Variants in TOP1 observed in about 807,000 individuals in gnomAD.
TOP1 encodes the protein DNA topoisomerase 1.
TOP1 carries 10 observed loss-of-function variants against 111.1 expected under a neutral mutation model. The ratio of observed to expected loss-of-function variants is 0.09; its 90% confidence interval spans 0.06 to 0.15. The LOEUF (loss-of-function observed/expected upper bound fraction) is 0.15, where lower values mean the gene tolerates loss of function less well. Among genes scored for constraint, TOP1 ranks in the 10% least tolerant of loss-of-function variants. The probability of loss-of-function intolerance (pLI) is 1.00; values close to 1 mark genes in which losing one functional copy is unlikely to be tolerated. For synonymous variants in TOP1, 271 were observed against 302.9 expected (o/e 0.89, Z 1.10); for missense variants, 474 against 926.7 (o/e 0.51, Z 6.34).
At position 41,029,029 on chromosome 20, in the gene TOP1, C is replaced by T. The variant is rs974742312; in HGVS notation, c.-39C>T. 29 of 1,537,698 alleles carry T rather than the reference C, an allele frequency of 1.9e-5. No individual in the cohort carries two copies. In the Admixed American group the frequency reaches 1.9e-4, roughly 10 times the overall value. ...GTTCGCCGTCTGCGTCTCCCCCACG[C>T]CGCCTCGCCTGCCGCCGCGCTCGTC... On this transcript the variant is annotated 5_prime_UTR_variant, in exon 1 of 21. Coordinates refer to ENST00000361337, the MANE Select transcript of TOP1 (RefSeq NM_003286.4). The surrounding 1 kb of genome is among the most constrained non-coding windows in gnomAD (Gnocchi z 6.1).
chr20:41,086,553 C>G (rs1055760657), intron 8 of TOP1, among the ~76,000 whole-genome samples: 2 of 152,172 alleles, frequency 1.3e-5, no homozygotes, highest in Admixed American at 6.5e-5. Context: ...GGAGCTTTGG[C>G]TCTTTTTGGG....
At chr20:41,077,295 T>A (rs1025552812) in intron 4 of TOP1, among the ~76,000 whole-genome samples, 1 of 152,190 alleles carries the variant, frequency 6.6e-6, no homozygotes, top group Non-Finnish European at 1.5e-5. Flanking sequence ...TCTTGAGTAG[T>A]GGAATGTATT....
rs188069466 is a variant in TOP1, at chr20:41,042,378, A to T, written c.58+12923A>T. Among the ~76,000 whole-genome samples, 3 of 152,332 alleles carry T rather than the reference A, an allele frequency of 2.0e-5. No homozygotes were observed. In the East Asian group the frequency reaches 5.8e-4, roughly 29 times the overall value. ...TGTTTTACTGTGTGTCAGAATCCTA[A>T]TCCTTTCTCCTACTTCAGTGTTTAA... On this transcript the variant is annotated intron_variant, in intron 2 of 20. Transcript: ENST00000361337.
In TOP1 at chr20:41,089,020, CTTTTT is replaced by C. The variant is rs59200685; in HGVS notation, c.615-3434_615-3430del. 3.3e-4 allele frequency among the ~76,000 whole-genome samples: 26 copies of C among 77,896 alleles called. 2 individuals carry two copies. Among genetic ancestry groups the C allele is most frequent in the East Asian group, 2.5e-3 (4 of 1,606 alleles). 51.1% of individuals were successfully genotyped at this position (77,896 alleles called of 152,430 possible). ...TCCCCACTTCTCTGTTGCCCCAGTT[CTTTTT>C]TTTTTTTTTTTTTTTTTGAGACAGA... is the stretch of plus-strand genomic sequence containing the variant. On this transcript the variant is annotated intron_variant, in intron 8 of 20. Coordinates refer to ENST00000361337, the MANE Select transcript of TOP1 (RefSeq NM_003286.4).
At position 41,080,601 on chromosome 20, in the gene TOP1, G is replaced by A. The variant is rs537942997; in HGVS notation, c.431+421G>A. Among the ~76,000 whole-genome samples, 3 of 152,042 alleles carry A rather than the reference G, an allele frequency of 2.0e-5. No homozygotes were observed. Among genetic ancestry groups the A allele is most frequent in the Non-Finnish European group, 4.4e-5 (3 of 68,000 alleles). Reference sequence around the variant, plus strand: ...TAATAAAACTGCTCATAAAACGGTCGAGGCTTACATGTATCTCTTTCCCCA... The same window carrying A: ...TAATAAAACTGCTCATAAAACGGTCAAGGCTTACATGTATCTCTTTCCCCA... On this transcript the variant is annotated intron_variant, in intron 6 of 20. Transcript: ENST00000361337. The surrounding 1 kb of genome is among the most constrained non-coding windows in gnomAD (Gnocchi z 5.0).
At chr20:41,081,869 A>AT (rs1426577634) in intron 7 of TOP1, among the ~76,000 whole-genome samples, 2 of 152,140 alleles carry the variant, frequency 1.3e-5, no homozygotes, top group Non-Finnish European at 2.9e-5. Flanking sequence ...TGGAACACAC[A>AT]TGCTCCCTTC....
intron 2 of TOP1, among the ~76,000 whole-genome samples, chr20:41,060,475 A>C (rs1483995151): frequency 7.2e-5 from 11 of 152,260 alleles, no homozygotes; most frequent in African/African-American, 2.7e-4. Flanking sequence ...CAGCACGATC[A>C]GATCAGTGCT....
intron 14 of TOP1, 73 bp from the exon 15 acceptor site, chr20:41,113,897 A>C (rs1352028229): frequency 4.7e-6 from 6 of 1,267,028 alleles, no homozygotes; most frequent in East Asian, 4.9e-5. Context: ...AAAAAAAAAA[A>C]AACACAGAAC....
rs2033153808 is a variant in TOP1, at chr20:41,034,027, G to A, written c.58+4572G>A. Among the ~76,000 whole-genome samples, 1 of 152,138 alleles carries A rather than the reference G, an allele frequency of 6.6e-6. No homozygotes were observed. The highest frequency in any genetic ancestry group is 2.4e-5 in the African/African-American group (1 of 41,442). ...GAAAGAATAGTAAAATATATTGGAT[G>A]TGGAGGTGAGAGTCAGTTGAGTGAA... On this transcript the variant is annotated intron_variant, in intron 2 of 20. Coordinates refer to ENST00000361337, the MANE Select transcript of TOP1 (RefSeq NM_003286.4). This position sits in a 1 kb window ranked among gnomAD's most constrained non-coding sequence, Gnocchi z 4.0.
chr20:41,075,823 G>A (rs2145934751), intron 3 of TOP1, among the ~76,000 whole-genome samples: 1 of 152,294 alleles, frequency 6.6e-6, no homozygotes, highest in Admixed American at 6.5e-5. Flanking sequence ...TGGTGAGTTG[G>A]TTTTAACCTG....
At position 41,113,249 on chromosome 20, in the gene TOP1, G is replaced by GA. The variant is rs529894331; in HGVS notation, c.1452+332dup. Among the ~76,000 whole-genome samples, 58 of 151,882 alleles carry GA rather than the reference G, an allele frequency of 3.8e-4. No individual in the cohort carries two copies. The East Asian group carries it at 7.7e-3, about 20-fold the overall frequency. On this transcript the variant is annotated intron_variant, in intron 14 of 20. Coordinates refer to ENST00000361337, the MANE Select transcript of TOP1 (RefSeq NM_003286.4). ...ATCAATTTCTTGGTACTCACGAGAA[G>GA]AAAAAAAAGTTCATGTTTTTCCCCC... is the stretch of plus-strand genomic sequence containing the variant.
At chr20:41,042,348 G>A (rs1191484891) in intron 2 of TOP1, among the ~76,000 whole-genome samples, 1 of 152,210 alleles carries the variant, frequency 6.6e-6, no homozygotes, top group Non-Finnish European at 1.5e-5. Flanking sequence ...AACTGCCTTT[G>A]CAGCTGTTTT....
chr20:41,107,677 AC>A (rs1441618491), intron 13 of TOP1, among the ~76,000 whole-genome samples: 1 of 152,232 alleles, frequency 6.6e-6, no homozygotes, highest in East Asian at 1.9e-4. Context: ...ATAAAATGTT[AC>A]CTGAAGTGAA....
intron 3 of TOP1, among the ~76,000 whole-genome samples, chr20:41,070,141 G>A (rs1369612527): frequency 6.6e-6 from 1 of 152,216 alleles, no homozygotes; most frequent in African/African-American, 2.4e-5. Context: ...GAGCAAAGTG[G>A]ATATAAGACT....
In TOP1 at chr20:41,121,811, A is replaced by C. The variant is rs1342673255; in HGVS notation, c.2045+21A>C. 6.2e-7 allele frequency: 1 copy of C among 1,609,966 alleles called. No homozygotes were observed. ...AAGAAGTATGTACCTGGTATTGTGA[A>C]AGTTGGGGCTGGTAGAGAAAAGTGT... On this transcript the variant is annotated intron_variant, in intron 19 of 20. Transcript: ENST00000361337. This position sits in a 1 kb window ranked among gnomAD's most constrained non-coding sequence, Gnocchi z 4.2.
At chr20:41,041,276 C>T (rs906934701) in intron 2 of TOP1, among the ~76,000 whole-genome samples, 5 of 151,604 alleles carry the variant, frequency 3.3e-5, no homozygotes, top group South Asian at 4.2e-4. Context: ...GTCGGGACCC[C>T]GTCTCTACAA....
intron 3 of TOP1, among the ~76,000 whole-genome samples, chr20:41,065,106 T>A (rs1031950712): frequency 6.6e-6 from 1 of 152,154 alleles, no homozygotes; most frequent in Non-Finnish European, 1.5e-5. Context: ...GGTTTCACCA[T>A]GTTGACTAGG....
chr20:41,114,499 T>A lies in TOP1; in HGVS notation c.1638+344T>A, dbSNP rs2034297767. 6.6e-6 allele frequency among the ~76,000 whole-genome samples: 1 copy of A among 152,250 alleles called. No individual in the cohort carries two copies. The highest frequency in any genetic ancestry group is 6.5e-5 in the Admixed American group (1 of 15,286). ...TATTTGATATCTTGTGTACCTCCTT[T>A]TAGTCACTGTTCCGCCCTGTGCTAC... On this transcript the variant is annotated intron_variant, in intron 15 of 20. Transcript: ENST00000361337. The surrounding 1 kb of genome is among the most constrained non-coding windows in gnomAD (Gnocchi z 4.5).
chr20:41,029,345 G>A lies in TOP1; in HGVS notation c.34-86G>A. ...GTCCCCGTCCTCCCCGGGGGCGCAG[G>A]GTGAGCCAGACCCCGGCCGCGCGCG... is the stretch of plus-strand genomic sequence containing the variant. On this transcript the variant is annotated intron_variant, in intron 1 of 20. Coordinates refer to ENST00000361337, the MANE Select transcript of TOP1 (RefSeq NM_003286.4). This position sits in a 1 kb window ranked among gnomAD's most constrained non-coding sequence, Gnocchi z 6.1. The A allele has an allele frequency of 7.9e-7, 1 of 1,272,268 alleles. No individual in the cohort carries two copies. Among genetic ancestry groups the A allele is most frequent in the Non-Finnish European group, 1.1e-6 (1 of 951,024 alleles). 78.8% of individuals were successfully genotyped at this position (1,272,268 alleles called of 1,614,324 possible). A position where few individuals can be genotyped will look rare whatever the true frequency, so the allele number is the denominator to read the frequency against.
Sources: allele counts gnomAD v4.1 joint callset (sites outside exome capture counted in the v4.1 genomes callset), GRCh38; gene constraint gnomAD v4.1.1; non-coding constraint Gnocchi (gnomAD v3.1); transcripts MANE v1.5; gene names NCBI Gene and HGNC (gene_info 2026-07-23, HGNC 2026-07-21).